Variants in ATXN7L1 observed in about 807,000 individuals in gnomAD.
The protein encoded by ATXN7L1 is ataxin-7-like protein 1.
In ATXN7L1, 15 loss-of-function variants were observed where a neutral mutation model predicts 70.8. The ratio of observed to expected loss-of-function variants is 0.21; its 90% CI spans 0.14 to 0.33. The LOEUF (loss-of-function observed/expected upper bound fraction) is 0.33. Ranked by LOEUF, ATXN7L1 falls within the 10% of genes least tolerant of loss-of-function variation. The probability of loss-of-function intolerance (pLI) is 1.00; values close to 1 mark genes in which losing one functional copy is unlikely to be tolerated. For missense variants in ATXN7L1, 975 were observed against 1,097.1 expected (o/e 0.89, Z 1.57); for synonymous variants, 440 against 445.1 (o/e 0.99, Z 0.14).
intron 3 of ATXN7L1, among the ~76,000 whole-genome samples, chr7:105,676,984 CAGTG>C (rs1804769759): frequency 6.6e-6 from 1 of 152,240 alleles, no homozygotes. Flanking sequence ...GAGGCAGCAT[CAGTG>C]ACCTTTGCCC....
At chr7:105,758,763 C>T (rs574277450) in intron 3 of ATXN7L1, among the ~76,000 whole-genome samples, 3 of 152,364 alleles carry the variant, frequency 2.0e-5, no homozygotes, top group Admixed American at 6.5e-5. Context: ...AGGACTGTGC[C>T]ATCTGTAGAT....
chr7:105,727,539 C>T (rs1044558284), intron 3 of ATXN7L1, among the ~76,000 whole-genome samples: 14 of 150,778 alleles, frequency 9.3e-5, no homozygotes, highest in South Asian at 6.3e-4. Context: ...CACGGTGGCA[C>T]GTGCCTGTAA....
rs141905810 is a variant in ATXN7L1, at chr7:105,799,328, C to T, written c.251-10620G>A. Among the ~76,000 whole-genome samples, 463 of 152,342 alleles carry T rather than the reference C, an allele frequency of 3.0e-3. 4 individuals are homozygous for T. The highest frequency in any genetic ancestry group is 0.011 in the African/African-American group (438 of 41,580). On this transcript the variant is annotated intron_variant, in intron 2 of 11. Transcript: ENST00000419735. Reference sequence around the variant, plus strand: ...TGCCCACTCCAGAAAATTCCCCCATCGTGTTGCACACACCAACCCCTGCTC... The same window carrying T: ...TGCCCACTCCAGAAAATTCCCCCATTGTGTTGCACACACCAACCCCTGCTC...
Position 105,605,041 on chromosome 7 carries a change from G to C in ATXN7L1, c.*2811C>G. On this transcript the variant is annotated 3_prime_UTR_variant, in exon 12 of 12. Coordinates refer to ENST00000419735, the MANE Select transcript of ATXN7L1 (RefSeq NM_020725.2). ...AGAAGGCATACAAGTTATCCAAGTCGCTTTTTTTTTTTTTTTTTTTTTTTT... is the reference window on the plus strand; with the variant it reads ...AGAAGGCATACAAGTTATCCAAGTCCCTTTTTTTTTTTTTTTTTTTTTTTT... 1 of 58,806 alleles carries C rather than the reference G, an allele frequency of 1.7e-5. No homozygotes were observed. The highest frequency in any genetic ancestry group is 5.9e-4 in the South Asian group (1 of 1,702). 3.6% of individuals were successfully genotyped at this position (58,806 alleles called of 1,614,324 possible). A position where few individuals can be genotyped will look rare whatever the true frequency, so the allele number is the denominator to read the frequency against.
intron 3 of ATXN7L1, among the ~76,000 whole-genome samples, chr7:105,730,577 A>C (rs1339387014): frequency 6.6e-6 from 1 of 152,076 alleles, no homozygotes; most frequent in Admixed American, 6.5e-5. Flanking sequence ...CTAAATGTAC[A>C]AAAAATTAGC....
intron 3 of ATXN7L1, among the ~76,000 whole-genome samples, chr7:105,752,007 T>A (rs1799276040): frequency 6.6e-6 from 1 of 152,224 alleles, no homozygotes; most frequent in Non-Finnish European, 1.5e-5. Flanking sequence ...TACAGACATA[T>A]CTATCAGCAT....
intron 8 of ATXN7L1, among the ~76,000 whole-genome samples, chr7:105,623,452 A>G (rs1795226362): frequency 6.6e-6 from 1 of 152,216 alleles, no homozygotes; most frequent in African/African-American, 2.4e-5. Context: ...CTCAGTGTCA[A>G]TGACCTTCTG....
At chr7:105,770,398 A>T (rs778797669) in intron 3 of ATXN7L1, among the ~76,000 whole-genome samples, 1 of 152,232 alleles carries the variant, frequency 6.6e-6, no homozygotes, top group East Asian at 1.9e-4. Context: ...AGAGGAGAGA[A>T]TCTTTTTCCT....
At chr7:105,785,725 G>A (rs960641184) in intron 3 of ATXN7L1, among the ~76,000 whole-genome samples, 11 of 152,170 alleles carry the variant, frequency 7.2e-5, no homozygotes, top group African/African-American at 2.7e-4. Context: ...TGAGAGTGGA[G>A]CCCCCATGAA....
At chr7:105,860,627 T>C (rs1284098354) in intron 2 of ATXN7L1, among the ~76,000 whole-genome samples, 1 of 152,166 alleles carries the variant, frequency 6.6e-6, no homozygotes, top group African/African-American at 2.4e-5. Flanking sequence ...AGTTTCAATT[T>C]TGTAAGGTGA....
At chr7:105,801,422 C>A (rs962715594) in intron 2 of ATXN7L1, among the ~76,000 whole-genome samples, 2 of 152,202 alleles carry the variant, frequency 1.3e-5, no homozygotes, top group African/African-American at 4.8e-5. Flanking sequence ...TGGAGTCGAG[C>A]AGAATGCTTT....
At chr7:105,622,252 G>A (rs1356981747) in intron 8 of ATXN7L1, among the ~76,000 whole-genome samples, 1 of 152,200 alleles carries the variant, frequency 6.6e-6, no homozygotes, top group Admixed American at 6.5e-5. Flanking sequence ...CGAGTTTAGC[G>A]AATCCACTGC....
chr7:105,745,281 T>C (rs1355173067), intron 3 of ATXN7L1, among the ~76,000 whole-genome samples: 1 of 152,122 alleles, frequency 6.6e-6, no homozygotes, highest in African/African-American at 2.4e-5. Flanking sequence ...CACATATATA[T>C]AGGGGAGGGG....
chr7:105,792,023 C>A (rs575063507), intron 2 of ATXN7L1, among the ~76,000 whole-genome samples: 1 of 152,172 alleles, frequency 6.6e-6, no homozygotes, highest in African/African-American at 2.4e-5. Context: ...GGTGACCTGT[C>A]GAGGCCTGTC....
intron 2 of ATXN7L1, among the ~76,000 whole-genome samples, chr7:105,834,672 G>C (rs892124603): frequency 1.1e-4 from 16 of 152,136 alleles, no homozygotes; most frequent in African/African-American, 3.9e-4. Context: ...TCTTGAGAGA[G>C]AGCAACTGCT....
At chr7:105,711,130 T>C (rs534251925) in intron 3 of ATXN7L1, among the ~76,000 whole-genome samples, 38 of 152,122 alleles carry the variant, frequency 2.5e-4, no homozygotes, top group Non-Finnish European at 4.3e-4. Flanking sequence ...AAGGTGAGAT[T>C]TGGGTGGGGA....
In ATXN7L1 at chr7:105,659,790, C is replaced by T. The variant is rs1044224410; in HGVS notation, c.578+5276G>A. Among the ~76,000 whole-genome samples, 5 of 152,208 alleles carry T rather than the reference C, an allele frequency of 3.3e-5. No individual in the cohort carries two copies. The East Asian group carries it at 5.8e-4, about 18-fold the overall frequency. Reference sequence around the variant, plus strand: ...TCTGTACCCACAGCTTCCATGCCCACGTCTACACTGATGACTCTCTAGTCC... The same window carrying T: ...TCTGTACCCACAGCTTCCATGCCCATGTCTACACTGATGACTCTCTAGTCC... On this transcript the variant is annotated intron_variant, in intron 4 of 11. Coordinates refer to ENST00000419735, the MANE Select transcript of ATXN7L1 (RefSeq NM_020725.2).
chr7:105,623,324 C>A (rs1795208675), intron 8 of ATXN7L1, among the ~76,000 whole-genome samples: 1 of 152,154 alleles, frequency 6.6e-6, no homozygotes, highest in African/African-American at 2.4e-5. Context: ...ATGTTCTAGG[C>A]CCCTGCATTT....
chr7:105,825,039 G>A (rs1189573255), intron 2 of ATXN7L1, among the ~76,000 whole-genome samples: 1 of 152,134 alleles, frequency 6.6e-6, no homozygotes, highest in South Asian at 2.1e-4. Flanking sequence ...GAACGAAAGT[G>A]GTCTCACACA....
Sources: gnomAD v4.1 joint callset for allele counts (sites outside exome capture counted in the v4.1 genomes callset) on GRCh38, gnomAD v4.1.1 for gene constraint, MANE v1.5 for transcripts, NCBI Gene and HGNC (gene_info 2026-07-23, HGNC 2026-07-21) for gene names.